PACSIN2: variants seen among roughly 807,000 people sequenced by gnomAD.
PACSIN2 encodes protein kinase C and casein kinase substrate in neurons protein 2.
A neutral mutation model predicts 63.8 loss-of-function variants in PACSIN2; 25 were observed. That is an observed-to-expected ratio of 0.39 (90% confidence interval 0.29 to 0.55). The LOEUF is 0.55. PACSIN2 is among the 20% of genes least tolerant of loss of function. The pLI, the probability that PACSIN2 is intolerant of heterozygous loss-of-function variation, is 0.62. For missense variants in PACSIN2, 518 were observed against 646.9 expected, an observed-to-expected ratio of 0.80 and a Z score of 2.16; for synonymous variants, 255 against 256.2, an observed-to-expected ratio of 1.00 and a Z score of 0.05.
At chr22:42,904,725 A>T (rs1428137405) in intron 2 of PACSIN2, among the ~76,000 whole-genome samples, 1 of 148,530 alleles carries the variant, frequency 6.7e-6, no homozygotes, top group African/African-American at 2.5e-5. Context: ...CAGCCCCCCC[A>T]TACTGCACTC....
At chr22:42,882,800 C>G (rs1318317061) in intron 6 of PACSIN2, among the ~76,000 whole-genome samples, 1 of 152,168 alleles carries the variant, frequency 6.6e-6, no homozygotes, top group Non-Finnish European at 1.5e-5. Context: ...CAGCCATCAT[C>G]GGCTCACCTT....
intron 1 of PACSIN2, among the ~76,000 whole-genome samples, chr22:43,001,687 G>A (rs944740830): frequency 9.9e-5 from 15 of 152,184 alleles, no homozygotes; most frequent in Non-Finnish European, 2.1e-4. Context: ...ATTTTGTTGT[G>A]AACATCAGCT....
chr22:42,996,719 GAGACGGTCCAGGCCAAAA>G (rs1471786084), intron 1 of PACSIN2, among the ~76,000 whole-genome samples: 6 of 152,144 alleles, frequency 3.9e-5, no homozygotes, highest in African/African-American at 7.2e-5. Context: ...GCAGAGAATA[GAGACGGTCCAGGCCAAAA>G]TGGACACACT....
intron 2 of PACSIN2, among the ~76,000 whole-genome samples, chr22:42,904,871 G>A (rs1315474541): frequency 6.6e-6 from 1 of 152,010 alleles, no homozygotes; most frequent in Admixed American, 6.6e-5. Context: ...CCCCAGCTCC[G>A]CCCCCCTGCA....
At chr22:42,976,532 C>G (rs1569343366) in intron 1 of PACSIN2, among the ~76,000 whole-genome samples, 1 of 152,234 alleles carries the variant, frequency 6.6e-6, no homozygotes, top group East Asian at 1.9e-4. Context: ...GGCCACTTAA[C>G]AGGCTTGCTG....
intron 1 of PACSIN2, among the ~76,000 whole-genome samples, chr22:42,994,691 T>G (rs1460576405): frequency 6.6e-6 from 1 of 152,202 alleles, no homozygotes; most frequent in African/African-American, 2.4e-5. Flanking sequence ...TACCACTTCT[T>G]GATACCTCAG....
intron 1 of PACSIN2, among the ~76,000 whole-genome samples, chr22:42,982,771 A>G (rs1290282911): frequency 7.2e-6 from 1 of 138,766 alleles, no homozygotes; most frequent in Non-Finnish European, 1.5e-5. Context: ...GGAAAACCAG[A>G]GACCTTTGTT....
chr22:42,965,299 A>G (rs925968103), intron 1 of PACSIN2, among the ~76,000 whole-genome samples: 4 of 152,232 alleles, frequency 2.6e-5, no homozygotes, highest in African/African-American at 9.6e-5. Context: ...CTTCAAAGGG[A>G]CACAAGGAAA....
At chr22:42,923,429 CTTTT>C (rs1013837724) in intron 1 of PACSIN2, among the ~76,000 whole-genome samples, 1 of 152,014 alleles carries the variant, frequency 6.6e-6, no homozygotes, top group African/African-American at 2.4e-5. Flanking sequence ...CCTTCTTCTT[CTTTT>C]TTTTATTTTT....
At chr22:42,889,375 C>CACACACACGT (rs1929736683) in intron 4 of PACSIN2, among the ~76,000 whole-genome samples, 1 of 148,528 alleles carries the variant, frequency 6.7e-6, no homozygotes, top group Non-Finnish European at 1.5e-5. Context: ...ATGGTTTTTA[C>CACACACACGT]ACACACACAC....
At chr22:42,934,900 T>TTTTC (rs61424427) in intron 1 of PACSIN2, among the ~76,000 whole-genome samples, 27,530 of 71,902 alleles carry the variant, frequency 0.38, 4,406 homozygotes, top group East Asian at 0.77. Context: ...CTTTCTTTTC[T>TTTTC]TTTCTTTCTT....
rs141610192 is a variant in PACSIN2 at position 42,904,239 on chromosome 22, G to C, written c.60+7782C>G. ...CCTTGGTGCGTGTTACACAGATGTC[G>C]AGAAGGCCCCGCGACACCCTACATG... On this transcript the variant is annotated intron_variant, in intron 2 of 10. Transcript: ENST00000263246. Among the ~76,000 whole-genome samples, 1,350 of 152,316 alleles carry C rather than the reference G, an allele frequency of 8.9e-3. 8 individuals carry two copies. The highest frequency in any genetic ancestry group is 0.024 in the Middle Eastern group (7 of 294).
intron 1 of PACSIN2, among the ~76,000 whole-genome samples, chr22:42,915,762 A>G (rs1391918589): frequency 6.6e-6 from 1 of 152,254 alleles, no homozygotes; most frequent in Non-Finnish European, 1.5e-5. Context: ...TACTTTAGGA[A>G]GCTCTGCACC....
At chr22:42,874,350 T>C (rs1007603124) in intron 10 of PACSIN2, among the ~76,000 whole-genome samples, 1 of 151,384 alleles carries the variant, frequency 6.6e-6, no homozygotes, top group South Asian at 2.1e-4. Context: ...AAGATTATCA[T>C]TGAAGACCAT....
rs373296469 is a variant in PACSIN2 at position 42,871,319 on chromosome 22, C to T, written c.*38G>A. On this transcript the variant is annotated 3_prime_UTR_variant, in exon 11 of 11. Coordinates refer to ENST00000263246, the MANE Select transcript of PACSIN2 (RefSeq NM_001184970.3). The surrounding 1 kb of genome is among the most constrained non-coding windows in gnomAD (Gnocchi z 5.4). ...CGTGGCTGGCTGAGGCTCCTGGGCC[C>T]GCCGCCTCCGTCCCCCCGCTGGCCT... 1.3e-5 allele frequency: 18 copies of T among 1,359,864 alleles called. No individual in the cohort carries two copies. Among genetic ancestry groups the T allele is most frequent in the East Asian group, 6.9e-5 (3 of 43,766 alleles). 84.2% of individuals were successfully genotyped at this position (1,359,864 alleles called of 1,614,324 possible).
At chr22:42,978,835 G>A (rs1403816550) in intron 1 of PACSIN2, among the ~76,000 whole-genome samples, 2 of 152,100 alleles carry the variant, frequency 1.3e-5, no homozygotes, top group African/African-American at 2.4e-5. Flanking sequence ...TCCTCCTCCT[G>A]GCAACAGCAT....
At chr22:42,902,435 T>G (rs1930758467) in intron 2 of PACSIN2, among the ~76,000 whole-genome samples, 1 of 152,158 alleles carries the variant, frequency 6.6e-6, no homozygotes, top group Non-Finnish European at 1.5e-5. Flanking sequence ...ACTATGCCTC[T>G]ATATGTCTCC....
rs532365061 is a variant in PACSIN2, at chr22:42,872,861, G to A, written c.1349-1392C>T. On this transcript the variant is annotated intron_variant, in intron 10 of 10. Coordinates refer to ENST00000263246, the MANE Select transcript of PACSIN2 (RefSeq NM_001184970.3). Reference sequence around the variant, plus strand: ...AGAGGCATCAGGAGCAGATGCAGGGGCCACAGGGCAGCAGCCACGATGAAC... The same window carrying A: ...AGAGGCATCAGGAGCAGATGCAGGGACCACAGGGCAGCAGCCACGATGAAC... Among the ~76,000 whole-genome samples, 7 of 152,388 alleles carry A rather than the reference G, an allele frequency of 4.6e-5. No individual in the cohort carries two copies. The South Asian group carries it at 1.4e-3, about 32-fold the overall frequency.
rs150627019 is a variant in PACSIN2, at chr22:42,989,680, C to T, written c.-78+25341G>A. Among the ~76,000 whole-genome samples the T allele has an allele frequency of 3.0e-4, 46 of 151,906 alleles. No individual in the cohort carries two copies. In the East Asian group the frequency reaches 8.7e-3, roughly 29 times the overall value. Reference sequence around the variant, plus strand: ...GGGCATGGTGGTGGGTGCCTGTAGTCCCAGCTACTTGGGAGGCTGAGGTAG... The same window carrying T: ...GGGCATGGTGGTGGGTGCCTGTAGTTCCAGCTACTTGGGAGGCTGAGGTAG... On this transcript the variant is annotated intron_variant, in intron 1 of 10. Transcript: ENST00000263246.
Sources: gnomAD v4.1 joint callset for allele counts (sites outside exome capture counted in the v4.1 genomes callset) on GRCh38, gnomAD v4.1.1 for gene constraint, Gnocchi (gnomAD v3.1) non-coding constraint, MANE v1.5 for transcripts, NCBI Gene and HGNC (gene_info 2026-07-23, HGNC 2026-07-21) for gene names.